The following NEDD4L variants were observed in gnomAD, a reference collection of about 807,000 sequenced individuals.
NEDD4L encodes E3 ubiquitin-protein ligase NEDD4-like.
Under a neutral mutation model 148.9 loss-of-function variants are expected in NEDD4L, and 54 were observed. The observed-to-expected ratio is 0.36, with a 90% confidence interval of 0.29 to 0.45. NEDD4L has a LOEUF of 0.45. NEDD4L is among the 20% of genes least tolerant of loss of function. The pLI is 1.00. For missense variants in NEDD4L, 856 were observed against 1,233.8 expected (o/e 0.69, Z 4.59); for synonymous variants, 433 against 440.7 (o/e 0.98, Z 0.22).
chr18:58,180,325 T>C (rs2038709379), intron 2 of NEDD4L, among the ~76,000 whole-genome samples: 1 of 152,096 alleles, frequency 6.6e-6, no homozygotes, highest in African/African-American at 2.4e-5. Context: ...GGGTGCACAG[T>C]CCTTGGCTCT....
At chr18:58,045,845 G>C (rs2081554493) in intron 1 of NEDD4L, 1 of 152,236 alleles carries the variant, frequency 6.6e-6, no homozygotes, top group African/African-American at 2.4e-5. Flanking sequence ...AAATTCAGGC[G>C]TTCTCGATTT....
chr18:58,308,771 C>T (rs1375081754), intron 5 of NEDD4L, among the ~76,000 whole-genome samples: 1 of 152,226 alleles, frequency 6.6e-6, no homozygotes, highest in African/African-American at 2.4e-5. Flanking sequence ...TCCACTTTTG[C>T]TTTGTGTCTG....
chr18:58,059,579 C>T (rs900428889), intron 1 of NEDD4L, among the ~76,000 whole-genome samples: 1 of 152,176 alleles, frequency 6.6e-6, no homozygotes, highest in Non-Finnish European at 1.5e-5. Context: ...GATGTCACTC[C>T]TCCCCTGGAG....
intron 16 of NEDD4L, among the ~76,000 whole-genome samples, chr18:58,347,686 A>C (rs2145465785): frequency 6.6e-6 from 1 of 152,314 alleles, no homozygotes; most frequent in African/African-American, 2.4e-5. Context: ...TATGCATCAC[A>C]AACTGCTAAC....
intron 5 of NEDD4L, among the ~76,000 whole-genome samples, chr18:58,291,655 G>A (rs1394979411): frequency 2.0e-5 from 3 of 152,224 alleles, no homozygotes; most frequent in Admixed American, 1.3e-4. Flanking sequence ...TAATTTTTAT[G>A]TCTTGTATTT....
At chr18:58,058,942 A>G (rs1236910709) in intron 1 of NEDD4L, among the ~76,000 whole-genome samples, 1 of 152,214 alleles carries the variant, frequency 6.6e-6, no homozygotes, top group Non-Finnish European at 1.5e-5. Flanking sequence ...CAAGCACCGA[A>G]TCAGACCCCT....
chr18:58,361,155 A>AC (rs1476661677), intron 19 of NEDD4L, among the ~76,000 whole-genome samples: 1 of 152,056 alleles, frequency 6.6e-6, no homozygotes, highest in African/African-American at 2.4e-5. Context: ...CCAAGCCCCT[A>AC]TGTCTAGGTC....
At chr18:58,183,690 T>C (rs1424747300) in intron 2 of NEDD4L, among the ~76,000 whole-genome samples, 1 of 152,252 alleles carries the variant, frequency 6.6e-6, no homozygotes, top group Non-Finnish European at 1.5e-5. Flanking sequence ...GTGGGTGTCA[T>C]TTCAGATCGC....
At chr18:58,177,872 T>C (rs1480760741) in intron 2 of NEDD4L, among the ~76,000 whole-genome samples, 2 of 152,244 alleles carry the variant, frequency 1.3e-5, no homozygotes, top group Non-Finnish European at 2.9e-5. Context: ...AGGTTATTTA[T>C]AAGTTAAGTG....
At chr18:58,102,775 C>T (rs1021942965) in intron 1 of NEDD4L, among the ~76,000 whole-genome samples, 1 of 152,112 alleles carries the variant, frequency 6.6e-6, no homozygotes, top group Non-Finnish European at 1.5e-5. Context: ...AAATCCTATA[C>T]CATTTTATGT....
chr18:58,058,027 G>A (rs2082163590), intron 1 of NEDD4L, among the ~76,000 whole-genome samples: 1 of 152,178 alleles, frequency 6.6e-6, no homozygotes, highest in African/African-American at 2.4e-5. Context: ...TGGTGGTAAG[G>A]CCGGCCGCGG....
intron 1 of NEDD4L, among the ~76,000 whole-genome samples, chr18:58,095,253 GAGGC>G (rs1599234640): frequency 1.3e-5 from 2 of 152,218 alleles, no homozygotes; most frequent in South Asian, 4.1e-4. Flanking sequence ...CAGGGCCATG[GAGGC>G]AGGCAAAGAG....
intron 24 of NEDD4L, among the ~76,000 whole-genome samples, chr18:58,375,946 TG>T (rs2047510718): frequency 1.3e-5 from 2 of 152,218 alleles, no homozygotes. Flanking sequence ...TTAGTCACCC[TG>T]GAAGTATCTT....
chr18:58,349,718 G>C, intron 17 of NEDD4L, 104 bp downstream of exon 17: 1 of 871,650 alleles, frequency 1.1e-6, no homozygotes, highest in East Asian at 2.4e-5. Flanking sequence ...TCCAGGCTTT[G>C]TGGATCTCAT....
rs765354549 is a variant in NEDD4L, at chr18:58,341,141, C to G, written c.1229C>G (p.Thr410Ser). 4.3e-6 allele frequency: 7 copies of G among 1,612,716 alleles called. No individual in the cohort carries two copies. Among genetic ancestry groups the G allele is most frequent in the Non-Finnish European group, 5.9e-6 (7 of 1,179,544 alleles). Residue 410 changes from threonine to serine, a missense_variant, in exon 14 of 31, where the codon ACC (threonine) becomes AGC (serine). Transcript: ENST00000400345. ...RTYYVNHNNR[T>S]TTWTRPIMQL... Reference sequence around the variant, plus strand: ...TACTATGTCAATCATAACAATCGAACCACAACTTGGACTCGACCTATCATG... The same window carrying G: ...TACTATGTCAATCATAACAATCGAAGCACAACTTGGACTCGACCTATCATG...
chr18:58,164,228 C>T (rs1050219665), intron 1 of NEDD4L, among the ~76,000 whole-genome samples: 10 of 152,028 alleles, frequency 6.6e-5, no homozygotes, highest in African/African-American at 1.2e-4. Context: ...TGTTCCATCC[C>T]GCACACCCCC....
At chr18:58,246,127 A>G (rs2148424381) in intron 3 of NEDD4L, among the ~76,000 whole-genome samples, 1 of 152,292 alleles carries the variant, frequency 6.6e-6, no homozygotes, top group African/African-American at 2.4e-5. Flanking sequence ...CTACAAAAAC[A>G]GTATCCTGAA....
intron 19 of NEDD4L, among the ~76,000 whole-genome samples, chr18:58,359,105 T>C (rs982406632): frequency 6.6e-6 from 1 of 152,208 alleles, no homozygotes; most frequent in Non-Finnish European, 1.5e-5. Context: ...TTCTCATTGC[T>C]ATTTTGCTAT....
At chr18:58,075,768 A>T (rs559971586) in intron 1 of NEDD4L, among the ~76,000 whole-genome samples, 13 of 150,836 alleles carry the variant, frequency 8.6e-5, no homozygotes, top group Middle Eastern at 3.4e-3. Context: ...TCCCTACAAA[A>T]TTTTTTTTTT....
Sources: allele counts gnomAD v4.1 joint callset (sites outside exome capture counted in the v4.1 genomes callset), GRCh38; gene constraint gnomAD v4.1.1; transcripts MANE v1.5; gene names NCBI Gene and HGNC (gene_info 2026-07-23, HGNC 2026-07-21).